Variants in MYO5B observed in about 807,000 individuals in gnomAD.
MYO5B encodes myosin VB.
Under a neutral mutation model 229.3 loss-of-function variants are expected in MYO5B, and 143 were observed. The observed-to-expected ratio is 0.62, with a 90% confidence interval of 0.54 to 0.72. MYO5B has a LOEUF of 0.72. MYO5B is among the 30% of genes least tolerant of loss of function. The pLI, the probability that MYO5B is intolerant of heterozygous loss-of-function variation, is 0.00. For synonymous variants in MYO5B, 918 were observed against 885.2 expected, an observed-to-expected ratio of 1.04 and a Z score of -0.66; for missense variants, 2,321 against 2,331.0, an observed-to-expected ratio of 1.00 and a Z score of 0.09.
Position 49,877,142 on chromosome 18 carries a change from C to T in MYO5B, c.3396+621G>A, listed in dbSNP as rs527580009. Among the ~76,000 whole-genome samples, 113 of 152,250 alleles carry T rather than the reference C, an allele frequency of 7.4e-4. 1 individual carries two copies. The highest frequency in any genetic ancestry group is 5.3e-3 in the Admixed American group (81 of 15,292). ...GTGTGTACGTGCGCGCACACACACG[C>T]GCGCATGTGCCTGTGATTTTCTTTT... On this transcript the variant is annotated intron_variant, in intron 25 of 39. Coordinates refer to ENST00000285039, the MANE Select transcript of MYO5B (RefSeq NM_001080467.3).
intron 4 of MYO5B, among the ~76,000 whole-genome samples, chr18:50,019,678 T>C (rs1055603133): frequency 1.3e-5 from 2 of 152,142 alleles, no homozygotes; most frequent in African/African-American, 4.8e-5. Context: ...GGCCCAGGGA[T>C]TTTGCCATTT....
intron 35 of MYO5B, chr18:49,840,443 G>A (rs2024042495): frequency 6.6e-6 from 1 of 152,208 alleles, no homozygotes; most frequent in South Asian, 2.1e-4. Context: ...TGAAAGGAAG[G>A]GCATATCCTT....
At chr18:49,877,916 G>T in intron 24 of MYO5B, 34 bp from the exon 25 acceptor site, 1 of 1,613,362 alleles carries the variant, frequency 6.2e-7, no homozygotes, top group South Asian at 1.1e-5. Flanking sequence ...AGCTCATTAG[G>T]AACTAATGTT....
intron 21 of MYO5B, among the ~76,000 whole-genome samples, chr18:49,901,740 G>A (rs1272725772): frequency 6.6e-6 from 1 of 152,252 alleles, no homozygotes; most frequent in East Asian, 1.9e-4. Context: ...CAGAGAGACA[G>A]AAGGGCAAAG....
chr18:50,080,627 G>T (rs929317610), intron 1 of MYO5B, among the ~76,000 whole-genome samples: 5 of 152,162 alleles, frequency 3.3e-5, no homozygotes, highest in African/African-American at 1.2e-4. Flanking sequence ...GTTAGATGAT[G>T]ACAACAGGAA....
intron 9 of MYO5B, among the ~76,000 whole-genome samples, chr18:49,979,335 G>A (rs1047758017): frequency 3.9e-5 from 6 of 152,182 alleles, no homozygotes; most frequent in Admixed American, 3.9e-4. Context: ...AGGCTCTCAC[G>A]AGGCTGCAGA....
At chr18:50,007,363 A>AC (rs2026112960) in intron 4 of MYO5B, among the ~76,000 whole-genome samples, 1 of 152,080 alleles carries the variant, frequency 6.6e-6, no homozygotes, top group Admixed American at 6.5e-5. Flanking sequence ...CCTTCTCTGT[A>AC]CCTTTTAGTC....
chr18:50,045,860 T>C (rs747424196), intron 2 of MYO5B, among the ~76,000 whole-genome samples: 32 of 152,232 alleles, frequency 2.1e-4, no homozygotes, highest in Admixed American at 2.0e-3. Flanking sequence ...TATGATCCTA[T>C]ACTACTTAGT....
At chr18:50,006,612 T>C (rs1283987846) in intron 4 of MYO5B, among the ~76,000 whole-genome samples, 1 of 152,142 alleles carries the variant, frequency 6.6e-6, no homozygotes, top group Non-Finnish European at 1.5e-5. Flanking sequence ...CTGTGACACC[T>C]GAGAGGCAGG....
intron 17 of MYO5B, among the ~76,000 whole-genome samples, chr18:49,928,050 A>AC (rs2025149395): frequency 3.3e-5 from 5 of 152,202 alleles, no homozygotes; most frequent in Non-Finnish European, 5.9e-5. Flanking sequence ...CAGAAAAAAA[A>AC]CCATCCCGTC....
At chr18:49,842,405 G>A (rs983271101) in intron 34 of MYO5B, among the ~76,000 whole-genome samples, 3 of 152,254 alleles carry the variant, frequency 2.0e-5, no homozygotes, top group South Asian at 2.1e-4. Flanking sequence ...CTGGAATTCT[G>A]AGCAGCAACC....
chr18:49,861,315 G>T (rs1306094768), intron 29 of MYO5B, among the ~76,000 whole-genome samples: 2 of 152,146 alleles, frequency 1.3e-5, no homozygotes, highest in Admixed American at 1.3e-4. Flanking sequence ...CCTAAACTGG[G>T]GTCTGGATCC....
chr18:50,056,539 T>C (rs182369859), intron 1 of MYO5B, among the ~76,000 whole-genome samples: 5 of 152,308 alleles, frequency 3.3e-5, no homozygotes, highest in Non-Finnish European at 2.9e-5. Flanking sequence ...TCTTTGGCCA[T>C]AGAATATTAT....
intron 1 of MYO5B, among the ~76,000 whole-genome samples, chr18:50,146,882 G>A (rs754651515): frequency 6.6e-6 from 1 of 152,148 alleles, no homozygotes. Context: ...GGTACTTCTG[G>A]AAGTGGGGGT....
intron 1 of MYO5B, among the ~76,000 whole-genome samples, chr18:50,164,071 C>T (rs2144324128): frequency 6.6e-6 from 1 of 152,310 alleles, no homozygotes; most frequent in Admixed American, 6.5e-5. Flanking sequence ...TTCTGCATAA[C>T]ATAAGGTGGT....
chr18:49,869,739 G>T lies in MYO5B; in HGVS notation c.3603+2428C>A, dbSNP rs116048791. Among the ~76,000 whole-genome samples, 892 of 152,164 alleles carry T rather than the reference G, an allele frequency of 5.9e-3. 9 individuals carry two copies. Among genetic ancestry groups the T allele is most frequent in the African/African-American group, 0.02 (826 of 41,502 alleles). ...TACAGTGGTTCTCAGACTTGAGTGG[G>T]CAACAGAATCCCTTGCAGGGCTTGT... On this transcript the variant is annotated intron_variant, in intron 27 of 39. Transcript: ENST00000285039.
chr18:50,093,179 G>GCC (rs2031482245), intron 1 of MYO5B, among the ~76,000 whole-genome samples: 1 of 113,326 alleles, frequency 8.8e-6, no homozygotes, highest in South Asian at 2.8e-4. Context: ...TGAGCTTTGT[G>GCC]CCACACACAC....
intron 22 of MYO5B, among the ~76,000 whole-genome samples, chr18:49,882,690 C>T (rs1256055402): frequency 2.0e-5 from 3 of 146,904 alleles, no homozygotes; most frequent in Admixed American, 6.8e-5. Context: ...AATGAGATGA[C>T]GCATGTGAAG....
At position 49,904,382 on chromosome 18, in the gene MYO5B, T is replaced by C. The variant is rs569788989; in HGVS notation, c.2571+290A>G. Among the ~76,000 whole-genome samples the C allele has an allele frequency of 9.9e-5, 15 of 152,196 alleles. No homozygotes were observed. In the South Asian group the frequency reaches 1.5e-3, roughly 15 times the overall value. ...CTGAGGCCCTCTCCAGAAGCAGATG[T>C]TCAATTGTGAACTTTCTGGCCACCA... On this transcript the variant is annotated intron_variant, in intron 20 of 39. Transcript: ENST00000285039.
Sources: allele counts gnomAD v4.1 joint callset (sites outside exome capture counted in the v4.1 genomes callset), GRCh38; gene constraint gnomAD v4.1.1; transcripts MANE v1.5; gene names NCBI Gene and HGNC (gene_info 2026-07-23, HGNC 2026-07-21).